The following STK32B variants were observed in gnomAD, a reference collection of about 807,000 sequenced individuals.
The protein encoded by STK32B is serine/threonine-protein kinase 32B.
STK32B carries 43 observed loss-of-function variants against 52.6 expected under a neutral mutation model. The ratio of observed to expected loss-of-function variants is 0.82; its 90% CI spans 0.64 to 1.05. The LOEUF is 1.05. Among genes scored for constraint, STK32B ranks in the 50% least tolerant of loss-of-function variants. STK32B has a pLI of 0.00. For synonymous variants in STK32B, 238 were observed against 204.3 expected, an observed-to-expected ratio of 1.17 and a Z score of -1.41; for missense variants, 621 against 534.6, an observed-to-expected ratio of 1.16 and a Z score of -1.59.
intron 8 of STK32B, among the ~76,000 whole-genome samples, chr4:5,457,824 A>G (rs1408327984): frequency 6.8e-6 from 1 of 147,484 alleles, no homozygotes; most frequent in Non-Finnish European, 1.5e-5. Flanking sequence ...GTGAGCCAAG[A>G]TCGCACCATT....
chr4:5,069,232 G>A lies in STK32B; in HGVS notation c.52+17317G>A, dbSNP rs183997089. Reference sequence around the variant, plus strand: ...TTTTGAGATGGAGTCTCGCTCTGTCGCCCAGGCTGGGGTACAGTGGCACAA... The same window carrying A: ...TTTTGAGATGGAGTCTCGCTCTGTCACCCAGGCTGGGGTACAGTGGCACAA... On this transcript the variant is annotated intron_variant, in intron 1 of 11. Transcript: ENST00000282908. Among the ~76,000 whole-genome samples, 554 of 134,936 alleles carry A rather than the reference G, an allele frequency of 4.1e-3. 9 individuals carry two copies. The highest frequency in any genetic ancestry group is 0.015 in the African/African-American group (533 of 35,938). The allele number at this position is 134,936 out of a possible 152,430, so 88.5% of individuals were successfully genotyped here.
intron 1 of STK32B, among the ~76,000 whole-genome samples, chr4:5,062,621 G>T (rs1159255893): frequency 6.6e-6 from 1 of 152,092 alleles, no homozygotes; most frequent in Non-Finnish European, 1.5e-5. Flanking sequence ...CCATTCTCCT[G>T]CCTCAGCCTC....
At chr4:5,236,594 A>G (rs1724654738) in intron 3 of STK32B, among the ~76,000 whole-genome samples, 1 of 152,204 alleles carries the variant, frequency 6.6e-6, no homozygotes. Context: ...TGAGACGTAT[A>G]TAAAGTACAC....
intron 1 of STK32B, among the ~76,000 whole-genome samples, chr4:5,088,829 A>G (rs1712883065): frequency 6.6e-6 from 1 of 151,952 alleles, no homozygotes; most frequent in Admixed American, 6.6e-5. Flanking sequence ...TTGAATGTTT[A>G]CATTAAAAAG....
chr4:5,321,428 T>C (rs1731481513), intron 3 of STK32B, among the ~76,000 whole-genome samples: 1 of 152,180 alleles, frequency 6.6e-6, no homozygotes, highest in African/African-American at 2.4e-5. Flanking sequence ...GCAGTTTGGC[T>C]TCATCTTATT....
intron 1 of STK32B, among the ~76,000 whole-genome samples, chr4:5,091,035 A>G (rs1713052956): frequency 6.6e-6 from 1 of 152,226 alleles, no homozygotes; most frequent in African/African-American, 2.4e-5. Context: ...TAAATTCTAC[A>G]AACATTTAAA....
chr4:5,139,848 G>A (rs1260369331), intron 1 of STK32B, 57 bp from the exon 2 acceptor site: 2 of 1,602,644 alleles, frequency 1.2e-6, no homozygotes, highest in Admixed American at 1.7e-5. Flanking sequence ...GGATATTCAA[G>A]GAGCAATACC....
At chr4:5,227,022 T>C (rs1166198543) in intron 3 of STK32B, among the ~76,000 whole-genome samples, 1 of 152,234 alleles carries the variant, frequency 6.6e-6, no homozygotes, top group Non-Finnish European at 1.5e-5. Flanking sequence ...CTGTTTTTAT[T>C]GAAACCAGTA....
chr4:5,200,240 G>T (rs1273042147), intron 3 of STK32B, among the ~76,000 whole-genome samples: 2 of 150,452 alleles, frequency 1.3e-5, no homozygotes, highest in African/African-American at 4.9e-5. Flanking sequence ...TTTTTGATCT[G>T]CACTCTTCTG....
At chr4:5,124,029 A>C (rs1340958312) in intron 1 of STK32B, among the ~76,000 whole-genome samples, 2 of 152,264 alleles carry the variant, frequency 1.3e-5, no homozygotes, top group East Asian at 1.9e-4. Flanking sequence ...GTTTTATTAG[A>C]GCAGAGGAGA....
intron 1 of STK32B, among the ~76,000 whole-genome samples, chr4:5,138,812 A>G (rs1020447845): frequency 6.6e-6 from 1 of 152,224 alleles, no homozygotes; most frequent in Non-Finnish European, 1.5e-5. Context: ...GAACAAGGGT[A>G]GGGCAAGGAG....
In STK32B at chr4:5,500,500, ATTTG is replaced by A. The variant is rs1183147895; in HGVS notation, c.*1424_*1427del. The A allele has an allele frequency of 3.9e-5, 6 of 151,962 alleles. No homozygotes were observed. Among genetic ancestry groups the A allele is most frequent in the Admixed American group, 2.6e-4 (4 of 15,252 alleles). The allele number at this position is 151,962 out of a possible 1,614,324, so 9.4% of individuals were successfully genotyped here. On this transcript the variant is annotated 3_prime_UTR_variant, in exon 12 of 12. Coordinates refer to ENST00000282908, the MANE Select transcript of STK32B (RefSeq NM_018401.3). Reference sequence around the variant, plus strand: ...AAATGTTCTTCCTGGGGTCTTTGATATTTGTTTGTTACATCCTGCTGAAGTTCGA... The same window carrying A: ...AAATGTTCTTCCTGGGGTCTTTGATATTTGTTACATCCTGCTGAAGTTCGA...
intron 3 of STK32B, among the ~76,000 whole-genome samples, chr4:5,171,439 A>G (rs1162398971): frequency 6.6e-6 from 1 of 152,084 alleles, no homozygotes; most frequent in Non-Finnish European, 1.5e-5. Context: ...TTATGGTTTT[A>G]GGTCTAACAT....
At chr4:5,436,325 A>G (rs755808900) in intron 6 of STK32B, among the ~76,000 whole-genome samples, 4 of 152,228 alleles carry the variant, frequency 2.6e-5, no homozygotes, top group African/African-American at 4.8e-5. Flanking sequence ...CATAATCCCT[A>G]TGCCACCAAA....
intron 6 of STK32B, among the ~76,000 whole-genome samples, chr4:5,439,625 A>T (rs1338182668): frequency 6.6e-6 from 1 of 151,854 alleles, no homozygotes; most frequent in Non-Finnish European, 1.5e-5. Context: ...CCATTTGTCA[A>T]TTTTGGCTTT....
intron 1 of STK32B, among the ~76,000 whole-genome samples, chr4:5,057,384 C>G (rs562493269): frequency 6.6e-6 from 1 of 152,186 alleles, no homozygotes; most frequent in East Asian, 1.9e-4. Flanking sequence ...CAGAGAACTC[C>G]CAAGAAATTC....
chr4:5,381,786 T>G (rs1735950896), intron 4 of STK32B, among the ~76,000 whole-genome samples: 1 of 152,024 alleles, frequency 6.6e-6, no homozygotes, highest in African/African-American at 2.4e-5. Context: ...GCTGTCTGGG[T>G]TTTTAATCCT....
At chr4:5,258,692 G>A (rs748369114) in intron 3 of STK32B, among the ~76,000 whole-genome samples, 7 of 152,110 alleles carry the variant, frequency 4.6e-5, no homozygotes, top group Non-Finnish European at 1.0e-4. Context: ...CTTCCACCCT[G>A]GTTCAAGTCA....
intron 4 of STK32B, among the ~76,000 whole-genome samples, chr4:5,344,357 A>G (rs913721328): frequency 1.3e-5 from 2 of 152,194 alleles, no homozygotes; most frequent in African/African-American, 4.8e-5. Flanking sequence ...AGTGTCTCTT[A>G]CTATCTTGGG....
Sources: gnomAD v4.1 joint callset for allele counts (sites outside exome capture counted in the v4.1 genomes callset) on GRCh38, gnomAD v4.1.1 for gene constraint, MANE v1.5 for transcripts, NCBI Gene and HGNC (gene_info 2026-07-23, HGNC 2026-07-21) for gene names.